The following NINJ2 variants were observed in gnomAD, a reference collection of about 807,000 sequenced individuals.
NINJ2 encodes ninjurin 2.
In NINJ2, 12 loss-of-function variants were observed where a neutral mutation model predicts 11.7. The observed-to-expected ratio is 1.02, with a 90% CI of 0.66 to 1.66. NINJ2 has a LOEUF of 1.66. Ranked by LOEUF, NINJ2 falls within the 40% of genes most tolerant of loss-of-function variation. NINJ2 has a pLI of 0.00. For synonymous variants in NINJ2, 93 were observed against 76.8 expected (o/e 1.21, Z -1.10); for missense variants, 187 against 181.8 (o/e 1.03, Z -0.16).
intron 1 of NINJ2, among the ~76,000 whole-genome samples, chr12:629,892 A>ATATATAT (rs1427393664): frequency 2.0e-4 from 4 of 20,202 alleles, no homozygotes; most frequent in African/African-American, 3.2e-4. Flanking sequence ...AAAAAAAAAA[A>ATATATAT]AAAAATATAT....
intron 2 of NINJ2, 72 bp from the exon 3 acceptor site, chr12:565,473 A>C: frequency 6.7e-7 from 1 of 1,491,630 alleles, no homozygotes; most frequent in Non-Finnish European, 9.1e-7. Context: ...CACAACACCC[A>C]CCAGAGTTTG....
At chr12:655,357 T>C (rs1400177541) in intron 1 of NINJ2, among the ~76,000 whole-genome samples, 1 of 152,202 alleles carries the variant, frequency 6.6e-6, no homozygotes, top group Non-Finnish European at 1.5e-5. Context: ...TGATTGTCTA[T>C]GTAGAAAATC....
intron 1 of NINJ2, among the ~76,000 whole-genome samples, chr12:611,263 T>TCTC (rs1555165050): frequency 0.022 from 2,785 of 126,412 alleles, 105 homozygotes; most frequent in African/African-American, 0.07. Flanking sequence ...CTCTCTTTCT[T>TCTC]TCTTTCTTTC....
intron 1 of NINJ2, among the ~76,000 whole-genome samples, chr12:569,420 A>G (rs1333811651): frequency 6.6e-6 from 1 of 152,162 alleles, no homozygotes; most frequent in Admixed American, 6.5e-5. Flanking sequence ...GCCCAGGTTC[A>G]ACTGTGCCCC....
chr12:598,790 C>T (rs12369801), intron 1 of NINJ2, among the ~76,000 whole-genome samples: 57,316 of 151,768 alleles, frequency 0.38, 12,155 homozygotes, highest in Non-Finnish European at 0.49. Flanking sequence ...GCCCCGACTT[C>T]CTGGGCTCTA....
chr12:626,850 T>C (rs544801202), intron 1 of NINJ2, among the ~76,000 whole-genome samples: 8 of 152,206 alleles, frequency 5.3e-5, no homozygotes, highest in East Asian at 1.9e-4. Flanking sequence ...CTTTGAGAGG[T>C]TGAGGCGGGA....
At chr12:653,755 T>C (rs767643000) in intron 1 of NINJ2, among the ~76,000 whole-genome samples, 1 of 151,656 alleles carries the variant, frequency 6.6e-6, no homozygotes, top group African/African-American at 2.4e-5. Flanking sequence ...AGAAAAACAG[T>C]AACAAATGTG....
intron 1 of NINJ2, among the ~76,000 whole-genome samples, chr12:582,501 G>A (rs544655674): frequency 9.7e-6 from 1 of 102,998 alleles, no homozygotes; most frequent in South Asian, 4.4e-4. Context: ...AGGCAGGCAG[G>A]CATGCTAGAG....
chr12:609,007 C>G (rs1249961074), intron 1 of NINJ2, among the ~76,000 whole-genome samples: 5 of 152,086 alleles, frequency 3.3e-5, no homozygotes, highest in African/African-American at 1.2e-4. Flanking sequence ...CATGCACATA[C>G]ACGGCGCCAC....
intron 1 of NINJ2, among the ~76,000 whole-genome samples, chr12:603,961 A>G (rs1039261458): frequency 6.6e-6 from 1 of 152,180 alleles, no homozygotes; most frequent in Non-Finnish European, 1.5e-5. Flanking sequence ...GCGCCTGGCC[A>G]AAAAGACCAT....
In NINJ2 at chr12:591,989, TG is replaced by T. The variant is rs1193616059; in HGVS notation, c.34-25812del. On this transcript the variant is annotated intron_variant, in intron 1 of 3. Coordinates refer to ENST00000305108, the MANE Select transcript of NINJ2 (RefSeq NM_016533.6). The surrounding 1 kb of genome is among the most constrained non-coding windows in gnomAD (Gnocchi z 5.0). Reference sequence around the variant, plus strand: ...CATCCTTCCAACTGCTCCTTTAGCCTGAAGGCCTGGAGCCCCAGCCGCCAGG... The same window carrying T: ...CATCCTTCCAACTGCTCCTTTAGCCTAAGGCCTGGAGCCCCAGCCGCCAGG... Among the ~76,000 whole-genome samples the T allele has an allele frequency of 6.6e-6, 1 of 152,016 alleles. No homozygotes were observed. Among genetic ancestry groups the T allele is most frequent in the Non-Finnish European group, 1.5e-5 (1 of 67,992 alleles).
At chr12:571,068 C>G (rs1220227091) in intron 1 of NINJ2, among the ~76,000 whole-genome samples, 1 of 152,184 alleles carries the variant, frequency 6.6e-6, no homozygotes, top group Non-Finnish European at 1.5e-5. Flanking sequence ...CTGCCCCGCC[C>G]CACTTGCCCC....
chr12:606,701 G>A (rs968469147), intron 1 of NINJ2, among the ~76,000 whole-genome samples: 3 of 152,154 alleles, frequency 2.0e-5, no homozygotes, highest in South Asian at 2.1e-4. Flanking sequence ...TAGCAATTGC[G>A]GGAAGACGGT....
At chr12:649,068 C>T (rs75056494) in intron 1 of NINJ2, among the ~76,000 whole-genome samples, 38 of 125,738 alleles carry the variant, frequency 3.0e-4, no homozygotes, top group African/African-American at 6.7e-4. Flanking sequence ...TTTTTTTTTT[C>T]GAGACGGAGT....
chr12:646,257 C>A (rs1937679094), intron 1 of NINJ2, among the ~76,000 whole-genome samples: 1 of 152,122 alleles, frequency 6.6e-6, no homozygotes, highest in Admixed American at 6.5e-5. Flanking sequence ...ATTTTTTTCT[C>A]CTACGCAGTG....
At chr12:627,782 G>A (rs1291409362) in intron 1 of NINJ2, among the ~76,000 whole-genome samples, 1 of 152,174 alleles carries the variant, frequency 6.6e-6, no homozygotes, top group African/African-American at 2.4e-5. Flanking sequence ...GGGCACAGTG[G>A]CGCATGCCTG....
intron 1 of NINJ2, among the ~76,000 whole-genome samples, chr12:607,041 C>T (rs1195278271): frequency 6.6e-6 from 1 of 152,216 alleles, no homozygotes; most frequent in Non-Finnish European, 1.5e-5. Flanking sequence ...ACCAGATACC[C>T]TTGTAATAAA....
At chr12:630,197 C>T (rs1463333030) in intron 1 of NINJ2, among the ~76,000 whole-genome samples, 1 of 151,816 alleles carries the variant, frequency 6.6e-6, no homozygotes, top group Non-Finnish European at 1.5e-5. Context: ...GGACTGCCTG[C>T]CTTTGAGGCA....
rs576255770 is a variant in NINJ2 at position 641,951 on chromosome 12, A to G, written c.33+21377T>C. 7.2e-5 allele frequency among the ~76,000 whole-genome samples: 11 copies of G among 152,276 alleles called. No individual in the cohort carries two copies. In the South Asian group the frequency reaches 1.9e-3, roughly 26 times the overall value. ...CAGAAAAGACCTGTCTTTGAGGACA[A>G]TGCCGCTTTAGGGTAGAATCTAGCG... is the stretch of plus-strand genomic sequence containing the variant. On this transcript the variant is annotated intron_variant, in intron 1 of 3. Transcript: ENST00000305108.
Sources: allele counts gnomAD v4.1 joint callset (sites outside exome capture counted in the v4.1 genomes callset), GRCh38; gene constraint gnomAD v4.1.1; non-coding constraint Gnocchi (gnomAD v3.1); transcripts MANE v1.5; gene names NCBI Gene and HGNC (gene_info 2026-07-23, HGNC 2026-07-21).